Variants in PPP1R13B observed in about 807,000 individuals in gnomAD.
The protein encoded by PPP1R13B is apoptosis-stimulating of p53 protein 1.
In PPP1R13B, 44 loss-of-function variants were observed where a neutral mutation model predicts 119.8. The observed-to-expected ratio is 0.37, with a 90% CI of 0.29 to 0.47. The LOEUF is 0.47. Ranked by LOEUF, PPP1R13B falls within the 20% of genes least tolerant of loss-of-function variation. The pLI is 0.99. For synonymous variants in PPP1R13B, 542 were observed against 561.5 expected (o/e 0.97, Z 0.49); for missense variants, 1,227 against 1,413.5 (o/e 0.87, Z 2.12).
At chr14:103,841,363 A>C (rs2086904018) in intron 1 of PPP1R13B, among the ~76,000 whole-genome samples, 1 of 152,004 alleles carries the variant, frequency 6.6e-6, no homozygotes, top group Non-Finnish European at 1.5e-5. Context: ...CGAGGCGGGC[A>C]GATCACTTGA....
In PPP1R13B at chr14:103,847,010, G is replaced by C. The variant is rs1399525559; in HGVS notation, c.9+289C>G. 40 of 1,169,672 alleles carry C rather than the reference G, an allele frequency of 3.4e-5. No homozygotes were observed. In the South Asian group the frequency reaches 6.3e-4, roughly 19 times the overall value. 72.5% of individuals were successfully genotyped at this position (1,169,672 alleles called of 1,614,324 possible). A position where few individuals can be genotyped will look rare whatever the true frequency, so the allele number is the denominator to read the frequency against. ...TGCCCCAGCGTCCGACCGCGCACCT[G>C]AGAGGACCGAGGAGATGACCGGCCC... is the stretch of plus-strand genomic sequence containing the variant. On this transcript the variant is annotated intron_variant, in intron 1 of 16. Transcript: ENST00000202556.
At chr14:103,762,764 T>G in intron 4 of PPP1R13B, 1 of 698,724 alleles carries the variant, frequency 1.4e-6, no homozygotes, top group South Asian at 1.5e-5. Context: ...GCGCTGCTGC[T>G]GTGGGGGCAG....
intron 4 of PPP1R13B, among the ~76,000 whole-genome samples, chr14:103,778,078 A>G (rs375910614): frequency 1.3e-5 from 2 of 150,834 alleles, no homozygotes; most frequent in South Asian, 4.2e-4. Flanking sequence ...CAGCCTCCTG[A>G]GTAGCTGGGA....
chr14:103,836,632 TG>T (rs2086785591), intron 1 of PPP1R13B, among the ~76,000 whole-genome samples: 1 of 151,806 alleles, frequency 6.6e-6, no homozygotes, highest in Admixed American at 6.6e-5. Context: ...TAGCTGGGCG[TG>T]GTGGCACGCA....
intron 5 of PPP1R13B, among the ~76,000 whole-genome samples, chr14:103,756,590 T>A (rs2084682671): frequency 6.6e-6 from 1 of 152,024 alleles, no homozygotes; most frequent in Admixed American, 6.6e-5. Flanking sequence ...CAGCCTAGAG[T>A]AGCACATGGG....
At position 103,742,554 on chromosome 14, in the gene PPP1R13B, C is replaced by T. The variant is rs1302889071; in HGVS notation, c.1320+100G>A. The stretch of plus-strand genomic sequence containing the variant: ...GTTGTCTGGACAATAACAGGATTAA[C>T]TTGCCTCCTGACAAGTCATACCCTT... On this transcript the variant is annotated intron_variant, in intron 10 of 16. Coordinates refer to ENST00000202556, the MANE Select transcript of PPP1R13B (RefSeq NM_015316.3). The surrounding 1 kb of genome is among the most constrained non-coding windows in gnomAD (Gnocchi z 4.9). The T allele has an allele frequency of 1.2e-5, 17 of 1,461,510 alleles. No homozygotes were observed. The highest frequency in any genetic ancestry group is 2.5e-4 in the Middle Eastern group (1 of 4,008). The allele number at this position is 1,461,510 out of a possible 1,614,324, so 90.5% of individuals were successfully genotyped here. A position where few individuals can be genotyped will look rare whatever the true frequency, so the allele number is the denominator to read the frequency against.
chr14:103,823,953 T>A (rs1439094177), intron 1 of PPP1R13B, among the ~76,000 whole-genome samples: 2 of 151,336 alleles, frequency 1.3e-5, no homozygotes, highest in African/African-American at 4.8e-5. Flanking sequence ...CTTTCCTTCC[T>A]TTTTCACAAT....
chr14:103,828,313 G>A (rs2086596531), intron 1 of PPP1R13B, among the ~76,000 whole-genome samples: 2 of 143,398 alleles, frequency 1.4e-5, no homozygotes, highest in Admixed American at 1.4e-4. Flanking sequence ...AGACTGCAGT[G>A]AGCCGAGATC....
At position 103,757,703 on chromosome 14, in the gene PPP1R13B, C is replaced by T; in HGVS notation, c.403G>A (p.Ala135Thr). Residue 135 changes from alanine (A) to threonine (T), a missense_variant, in exon 5 of 17, where the codon GCA becomes ACA. Ala to Thr is a moderately conservative substitution (Grantham distance 58, BLOSUM62 0). Coordinates refer to ENST00000202556, the MANE Select transcript of PPP1R13B (RefSeq NM_015316.3). ...TCAATCTGCTGCTGTTGCCTAGCTG[C>T]CATATCTTGGAGCTCTGAGAGGGTA... Reference protein sequence around the residue: ...ELTLSELQDMAARQQQQIENQ... With the variant: ...ELTLSELQDMTARQQQQIENQ... 1.2e-6 allele frequency: 2 copies of T among 1,614,088 alleles called. No homozygotes were observed. The highest frequency in any genetic ancestry group is 1.7e-5 in the Admixed American group (1 of 60,000).
intron 3 of PPP1R13B, among the ~76,000 whole-genome samples, chr14:103,780,809 T>TAA (rs202112499): frequency 6.3e-5 from 8 of 126,298 alleles, no homozygotes; most frequent in African/African-American, 1.4e-4. Context: ...ACTCTGTCTC[T>TAA]AAAAAAAAAA....
intron 1 of PPP1R13B, among the ~76,000 whole-genome samples, chr14:103,820,105 A>AAAAAGGCCAGC (rs2086372061): frequency 6.6e-6 from 1 of 152,176 alleles, no homozygotes; most frequent in Non-Finnish European, 1.5e-5. Context: ...GGGGCAGGGG[A>AAAAAGGCCAGC]AAAAGGCCAG....
rs2084613126 is a variant in PPP1R13B at position 103,753,983 on chromosome 14, G to C, written c.631+87C>G. The C allele has an allele frequency of 2.7e-6, 4 of 1,458,206 alleles. No homozygotes were observed. In the African/African-American group the frequency reaches 4.3e-5, roughly 16 times the overall value. 90.3% of individuals were successfully genotyped at this position (1,458,206 alleles called of 1,614,324 possible). A position where few individuals can be genotyped will look rare whatever the true frequency, so the allele number is the denominator to read the frequency against. On this transcript the variant is annotated intron_variant, in intron 6 of 16. Transcript: ENST00000202556. ...GCTTGCTATTTAGTCCTGTGAATTT[G>C]TGACTGAATTGTCAGGCAGTTAGAC...
chr14:103,847,091 G>A (rs1392983512), intron 1 of PPP1R13B: 1 of 991,920 alleles, frequency 1.0e-6, no homozygotes. Flanking sequence ...GGGCCCGCAG[G>A]CGGCCCCGGC....
chr14:103,743,659 C>T (rs1470179427), intron 9 of PPP1R13B, among the ~76,000 whole-genome samples: 1 of 152,242 alleles, frequency 6.6e-6, no homozygotes, highest in Non-Finnish European at 1.5e-5. Flanking sequence ...CTCTTTTAGG[C>T]CCTCCTGGCA....
intron 1 of PPP1R13B, among the ~76,000 whole-genome samples, chr14:103,816,079 A>G (rs2086272432): frequency 6.6e-6 from 1 of 152,082 alleles, no homozygotes; most frequent in South Asian, 2.1e-4. Context: ...GCAAGACTCC[A>G]TCTCAAAACA....
Position 103,742,099 on chromosome 14 carries a change from C to T in PPP1R13B, c.1513G>A (p.Ala505Thr), listed in dbSNP as rs1435913639. The T allele has an allele frequency of 2.0e-5, 32 of 1,613,418 alleles. No homozygotes were observed. The highest frequency in any genetic ancestry group is 5.3e-5 in the African/African-American group (4 of 74,932). The stretch of plus-strand genomic sequence containing the variant: ...CCTGGCTGGGGGGTGCTGCCTGTGG[C>T]GGGCAGCAGGGTGGGCCTCTGTCGA... ...PSRQRPTLLP[A>T]TGSTPQPGSS... is the part of the protein sequence containing the mutation. Residue 505 changes from alanine (A) to threonine (T), a missense_variant, in exon 11 of 17, where the codon GCC (alanine) becomes ACC (threonine). Transcript: ENST00000202556. The surrounding 1 kb of genome is among the most constrained non-coding windows in gnomAD (Gnocchi z 4.9).
intron 7 of PPP1R13B, among the ~76,000 whole-genome samples, chr14:103,751,680 T>A (rs561070684): frequency 1.8e-4 from 28 of 152,202 alleles, no homozygotes; most frequent in Admixed American, 9.2e-4. Context: ...AGACTACAAC[T>A]CTCTCTCCAC....
intron 1 of PPP1R13B, among the ~76,000 whole-genome samples, chr14:103,814,701 T>C (rs1049503889): frequency 6.6e-6 from 1 of 152,002 alleles, no homozygotes; most frequent in Non-Finnish European, 1.5e-5. Flanking sequence ...ATCCCAGCAC[T>C]TTGGGAAGCC....
chr14:103,740,165 A>G lies in PPP1R13B; in HGVS notation c.2251T>C (p.Phe751Leu), dbSNP rs1428552553. ...PFYQPSPSQD[F>L]MGTLADVDNG... ...TCCACATCGGCCAAGGTGCCCATGA[A>G]GTCCTGGGAGGGGCTGGGCTGGTAG... Residue 751 changes from phenylalanine (F) to leucine (L), a missense_variant, in exon 12 of 17, where the codon TTC (phenylalanine) becomes CTC (leucine). By Grantham distance (22) the Phe-to-Leu change is conservative (BLOSUM62 0). Coordinates refer to ENST00000202556, the MANE Select transcript of PPP1R13B (RefSeq NM_015316.3). This position sits in a 1 kb window ranked among gnomAD's most constrained non-coding sequence, Gnocchi z 4.6. 12 of 1,613,754 alleles carry G rather than the reference A, an allele frequency of 7.4e-6. No individual in the cohort carries two copies. Among genetic ancestry groups the G allele is most frequent in the Non-Finnish European group, 9.3e-6 (11 of 1,180,020 alleles).
Sources: allele counts gnomAD v4.1 joint callset (sites outside exome capture counted in the v4.1 genomes callset), GRCh38; gene constraint gnomAD v4.1.1; non-coding constraint Gnocchi (gnomAD v3.1); transcripts MANE v1.5; gene names NCBI Gene and HGNC (gene_info 2026-07-23, HGNC 2026-07-21).